IPO7: variants seen among roughly 807,000 people sequenced by gnomAD.
IPO7 encodes the protein importin-7.
In IPO7, 13 loss-of-function variants were observed where a neutral mutation model predicts 136.4. The observed-to-expected ratio is 0.10, with a 90% CI of 0.06 to 0.15. The LOEUF is 0.15. Ranked by LOEUF, IPO7 falls within the 10% of genes least tolerant of loss-of-function variation. The pLI is 1.00. For missense variants in IPO7, 857 were observed against 1,240.6 expected (o/e 0.69, Z 4.65); for synonymous variants, 403 against 404.4 (o/e 1.00, Z 0.04).
At chr11:9,397,665 A>G (rs1854735199) in intron 1 of IPO7, among the ~76,000 whole-genome samples, 1 of 151,894 alleles carries the variant, frequency 6.6e-6, no homozygotes, top group African/African-American at 2.4e-5. Context: ...TATACGCAAA[A>G]CCATGTATGT....
At position 9,420,717 on chromosome 11, in the gene IPO7, TTTC is replaced by T; in HGVS notation, c.906+21_906+23del. 8 of 1,519,848 alleles carry T rather than the reference TTTC, an allele frequency of 5.3e-6. 1 individual carries two copies. The Middle Eastern group carries it at 1.4e-3, about 259-fold the overall frequency. 94.1% of individuals were successfully genotyped at this position (1,519,848 alleles called of 1,614,324 possible). ...CCAGCAAGTAAGTCTGTTTTTAGTT[TTTC>T]TCAGTGGAAACATGGCATCTTTAAG... On this transcript the variant is annotated intron_variant, in intron 8 of 24. Transcript: ENST00000379719.
intron 1 of IPO7, among the ~76,000 whole-genome samples, chr11:9,388,187 T>A (rs1204059636): frequency 2.6e-5 from 4 of 151,226 alleles, no homozygotes; most frequent in Non-Finnish European, 5.9e-5. Flanking sequence ...ATAAATTTTT[T>A]TTTTTTTGAG....
chr11:9,445,603 T>G lies in IPO7; in HGVS notation c.*409T>G, dbSNP rs1177789239. On this transcript the variant is annotated 3_prime_UTR_variant, in exon 25 of 25. Coordinates refer to ENST00000379719, the MANE Select transcript of IPO7 (RefSeq NM_006391.3). Reference sequence around the variant, plus strand: ...GTATAAAACTCAAAGGTAGATGTAATTTTTACACCTATGAGTATTTGTCCA... The same window carrying G: ...GTATAAAACTCAAAGGTAGATGTAAGTTTTACACCTATGAGTATTTGTCCA... 6.4e-6 allele frequency: 1 copy of G among 156,508 alleles called. No individual in the cohort carries two copies. Among genetic ancestry groups the G allele is most frequent in the Non-Finnish European group, 1.4e-5 (1 of 70,708 alleles). The allele number at this position is 156,508 out of a possible 1,614,324, so 9.7% of individuals were successfully genotyped here. A position where few individuals can be genotyped will look rare whatever the true frequency, so the allele number is the denominator to read the frequency against.
intron 4 of IPO7, 35 bp from the exon 5 acceptor site, chr11:9,414,220 A>G (rs770471220): frequency 6.6e-7 from 1 of 1,511,096 alleles, no homozygotes; most frequent in African/African-American, 1.4e-5. Flanking sequence ...GTGGAAATAA[A>G]TTCTTACAGA....
intron 1 of IPO7, among the ~76,000 whole-genome samples, chr11:9,396,937 A>C (rs1460774165): frequency 6.6e-6 from 1 of 152,042 alleles, no homozygotes; most frequent in Non-Finnish European, 1.5e-5. Context: ...GGTAACCAGC[A>C]CCCAGACCAA....
chr11:9,414,347 A>C lies in IPO7; in HGVS notation c.572A>C (p.Asp191Ala). ...LKDRFIQLLS[D>A]QSDQSVLIQK... ...GATCGTTTTATCCAGCTTCTTTCTGACCAGTCTGATCAGTCTGTCCTCATC... is the reference window on the plus strand; with the variant it reads ...GATCGTTTTATCCAGCTTCTTTCTGCCCAGTCTGATCAGTCTGTCCTCATC... The change falls in exon 5 of 25, where the codon GAC (aspartate) becomes GCC (alanine). Residue 191 changes from aspartate (D) to alanine (A), a missense_variant. Transcript: ENST00000379719. 3 of 1,612,756 alleles carry C rather than the reference A, an allele frequency of 1.9e-6. No individual in the cohort carries two copies. Among genetic ancestry groups the C allele is most frequent in the Non-Finnish European group, 2.5e-6 (3 of 1,178,884 alleles).
Position 9,430,906 on chromosome 11 carries a change from G to T in IPO7, c.1784G>T (p.Gly595Val). The change falls in exon 16 of 25, where the codon GGG becomes GTG. Residue 595 changes from glycine (G) to valine (V), a missense_variant. This residue lies in a region of IPO7 where 58 missense variants were observed against 122.1 expected (regional missense o/e 0.47). Coordinates refer to ENST00000379719, the MANE Select transcript of IPO7 (RefSeq NM_006391.3). ...AMTFNQVIQT[G>V]PDEEGSDDKA... The stretch of plus-strand genomic sequence containing the variant: ...ACATTTAACCAAGTAATCCAGACGG[G>T]GCCAGATGAAGAAGGTAGTGATGAC... 1 of 1,611,834 alleles carries T rather than the reference G, an allele frequency of 6.2e-7. No individual in the cohort carries two copies. Among genetic ancestry groups the T allele is most frequent in the South Asian group, 1.1e-5 (1 of 90,984 alleles).
rs757419867 is a variant in IPO7 at position 9,420,511 on chromosome 11, C to T, written c.821+6C>T. 1.9e-6 allele frequency: 3 copies of T among 1,596,476 alleles called. No individual in the cohort carries two copies. The highest frequency in any genetic ancestry group is 2.2e-5 in the South Asian group (2 of 90,700). ...TTAGCAAGACTTTTTGAAAGGTAAT[C>T]TCATCCATATATGGTGATTTAAATT... On this transcript the variant is annotated splice_donor_region_variant and intron_variant, in intron 7 of 24. Coordinates refer to ENST00000379719, the MANE Select transcript of IPO7 (RefSeq NM_006391.3).
intron 19 of IPO7, among the ~76,000 whole-genome samples, chr11:9,435,348 A>T (rs1339443616): frequency 6.6e-6 from 1 of 152,244 alleles, no homozygotes; most frequent in Non-Finnish European, 1.5e-5. Context: ...TTAGGAATGG[A>T]TAGAGATGTT....
At chr11:9,403,217 G>T in intron 1 of IPO7, 73 bp from the exon 2 acceptor site, 1 of 993,950 alleles carries the variant, frequency 1.0e-6, no homozygotes, top group Non-Finnish European at 1.6e-6. Flanking sequence ...GAAATGTATT[G>T]GAGCCTCTTT....
chr11:9,412,704 T>G (rs1854983716), intron 4 of IPO7, among the ~76,000 whole-genome samples: 2 of 152,050 alleles, frequency 1.3e-5, no homozygotes, highest in East Asian at 3.9e-4. Flanking sequence ...TGGTGGCACA[T>G]GCCTGTAGTC....
chr11:9,400,603 T>C (rs1266419812), intron 1 of IPO7, among the ~76,000 whole-genome samples: 3 of 151,932 alleles, frequency 2.0e-5, no homozygotes, highest in African/African-American at 7.2e-5. Context: ...TTTGTATTTT[T>C]AGTACAGACG....
intron 2 of IPO7, among the ~76,000 whole-genome samples, 163 bp from the exon 3 acceptor site, chr11:9,408,323 G>A (rs1385679463): frequency 6.6e-6 from 1 of 152,136 alleles, no homozygotes; most frequent in Admixed American, 6.5e-5. Flanking sequence ...TGTTCAATTT[G>A]TGCATTATCA....
chr11:9,446,370 A>T lies in IPO7; in HGVS notation c.*1176A>T, dbSNP rs1174706986. ...AACACTTACCCACTCCCCTTTCCCC[A>T]TCTCTTCTACCGCTCTTGTTGATCG... On this transcript the variant is annotated 3_prime_UTR_variant, in exon 25 of 25. Coordinates refer to ENST00000379719, the MANE Select transcript of IPO7 (RefSeq NM_006391.3). 1 of 152,104 alleles carries T rather than the reference A, an allele frequency of 6.6e-6. No individual in the cohort carries two copies. Among genetic ancestry groups the T allele is most frequent in the East Asian group, 1.9e-4 (1 of 5,194 alleles). 9.4% of individuals were successfully genotyped at this position (152,104 alleles called of 1,614,324 possible). A position where few individuals can be genotyped will look rare whatever the true frequency, so the allele number is the denominator to read the frequency against.
intron 1 of IPO7, among the ~76,000 whole-genome samples, chr11:9,400,717 CG>C (rs1854782038): frequency 6.6e-6 from 1 of 151,844 alleles, no homozygotes; most frequent in Admixed American, 6.6e-5. Context: ...CCACTGTGCC[CG>C]GCCTACTAAA....
chr11:9,407,040 CAA>C (rs1854898691), intron 2 of IPO7, among the ~76,000 whole-genome samples: 2 of 152,162 alleles, frequency 1.3e-5, no homozygotes, highest in Admixed American at 6.5e-5. Flanking sequence ...AGTGCAATTC[CAA>C]ATTCTGTATT....
At chr11:9,390,596 A>G (rs1854614593) in intron 1 of IPO7, among the ~76,000 whole-genome samples, 1 of 152,210 alleles carries the variant, frequency 6.6e-6, no homozygotes, top group Non-Finnish European at 1.5e-5. Flanking sequence ...TGGGAGAAGG[A>G]AAGTCCCTGG....
At chr11:9,402,323 C>T (rs992027318) in intron 1 of IPO7, among the ~76,000 whole-genome samples, 1 of 146,544 alleles carries the variant, frequency 6.8e-6, no homozygotes, top group African/African-American at 2.5e-5. Context: ...TCGCTTGAAC[C>T]CAGGAGGCAG....
chr11:9,431,026 C>T (rs753853169), intron 16 of IPO7, 23 bp downstream of exon 16: 2 of 1,603,720 alleles, frequency 1.2e-6, no homozygotes, highest in East Asian at 4.5e-5. Context: ...TCTAGTGTTG[C>T]AGTTTTTCAA....
Sources: allele counts gnomAD v4.1 joint callset (sites outside exome capture counted in the v4.1 genomes callset), GRCh38; gene constraint gnomAD v4.1.1; regional missense constraint gnomAD v4.1.1; transcripts MANE v1.5; gene names NCBI Gene and HGNC (gene_info 2026-07-23, HGNC 2026-07-21).